The following RARB variants were observed in gnomAD, a reference collection of about 807,000 sequenced individuals.
RARB encodes HBV-activated protein.
In RARB, 17 loss-of-function variants were observed where a neutral mutation model predicts 51.9. That is an observed-to-expected ratio of 0.33 (90% confidence interval 0.22 to 0.49). The LOEUF (loss-of-function observed/expected upper bound fraction) is 0.49, where lower values mean the gene tolerates loss of function less well. RARB is among the 20% of genes least tolerant of loss of function. The probability of loss-of-function intolerance (pLI) is 0.99; values close to 1 mark genes in which losing one functional copy is unlikely to be tolerated. For missense variants in RARB, 369 were observed against 550.8 expected (o/e 0.67, Z 3.30); for synonymous variants, 215 against 195.4 (o/e 1.10, Z -0.84).
In RARB at chr3:25,563,941, A is replaced by G. The variant is rs893004821; in HGVS notation, c.449-5817A>G. Reference sequence around the variant, plus strand: ...TATGGACAAAAATACCATCAATTGTATTTTCCTTTTTTTTTTTTTTTTTGA... The same window carrying G: ...TATGGACAAAAATACCATCAATTGTGTTTTCCTTTTTTTTTTTTTTTTTGA... On this transcript the variant is annotated intron_variant, in intron 3 of 7. Coordinates refer to ENST00000330688, the MANE Select transcript of RARB (RefSeq NM_000965.5). Among the ~76,000 whole-genome samples the G allele has an allele frequency of 1.6e-4, 19 of 120,788 alleles. No homozygotes were observed. The South Asian group carries it at 2.3e-3, about 14-fold the overall frequency. The allele number at this position is 120,788 out of a possible 152,430, so 79.2% of individuals were successfully genotyped here. A position where few individuals can be genotyped will look rare whatever the true frequency, so the allele number is the denominator to read the frequency against.
intron 2 of RARB, among the ~76,000 whole-genome samples, chr3:24,873,597 AT>A (rs1158064516): frequency 1.3e-5 from 2 of 150,242 alleles, no homozygotes; most frequent in African/African-American, 4.9e-5. Flanking sequence ...TCCTGTCCAT[AT>A]TTTTATTTAG....
chr3:25,183,422 C>T lies in RARB; in HGVS notation c.178+8847C>T, dbSNP rs1700905801. On this transcript the variant is annotated intron_variant, in intron 5 of 11. Transcript: ENST00000383772. ...GTCTTACTGGATGGCAAACTCCCATCTCCTTTCTTGACCTCAACATGTTCT... is the reference window on the plus strand; with the variant it reads ...GTCTTACTGGATGGCAAACTCCCATTTCCTTTCTTGACCTCAACATGTTCT... 3.3e-5 allele frequency among the ~76,000 whole-genome samples: 5 copies of T among 152,256 alleles called. No homozygotes were observed. In the South Asian group the frequency reaches 6.2e-4, roughly 19 times the overall value.
chr3:25,216,753 CATAT>C (rs560897572), intron 5 of RARB, among the ~76,000 whole-genome samples: 5 of 150,158 alleles, frequency 3.3e-5, no homozygotes, highest in South Asian at 2.1e-4. Flanking sequence ...ATATCTAGTA[CATAT>C]ATATATATTT....
intron 2 of RARB, among the ~76,000 whole-genome samples, chr3:25,480,510 A>G (rs1696173557): frequency 6.6e-6 from 1 of 151,982 alleles, no homozygotes; most frequent in Non-Finnish European, 1.5e-5. Context: ...AAGGTAACTA[A>G]CTCCCATCTT....
chr3:25,023,417 C>A (rs1184903001), intron 2 of RARB, among the ~76,000 whole-genome samples: 1 of 152,100 alleles, frequency 6.6e-6, no homozygotes, highest in African/African-American at 2.4e-5. Context: ...CGAATGTTGG[C>A]TTTGTCCTTT....
In RARB at chr3:25,091,769, T is replaced by A. The variant is rs370839121; in HGVS notation, c.-328+31593T>A. Among the ~76,000 whole-genome samples, 123 of 152,302 alleles carry A rather than the reference T, an allele frequency of 8.1e-4. 1 individual carries two copies. The South Asian group carries it at 0.025, about 31-fold the overall frequency. ...AAAAAAGACAAAAAATATCTATTGT[T>A]GCTGCCATCCGTCTTCATGTAAAAA... is the stretch of plus-strand genomic sequence containing the variant. On this transcript the variant is annotated intron_variant, in intron 3 of 11. Transcript: ENST00000383772.
chr3:25,585,877 C>T (rs1701365364), intron 5 of RARB, among the ~76,000 whole-genome samples: 1 of 152,210 alleles, frequency 6.6e-6, no homozygotes, highest in South Asian at 2.1e-4. Context: ...AGATGTTGAA[C>T]CCAGGCAAGC....
chr3:25,590,421 T>TG (rs1346155510), intron 5 of RARB, among the ~76,000 whole-genome samples: 1 of 152,234 alleles, frequency 6.6e-6, no homozygotes, highest in Non-Finnish European at 1.5e-5. Flanking sequence ...CTTGGCGGCA[T>TG]GTTAAAGCTG....
rs145902881 is a variant in RARB at position 25,501,944 on chromosome 3, C to T, written c.448+621C>T. Among the ~76,000 whole-genome samples the T allele has an allele frequency of 4.3e-3, 655 of 152,238 alleles. 6 individuals are homozygous for T. Among genetic ancestry groups the T allele is most frequent in the South Asian group, 0.02 (97 of 4,820 alleles). On this transcript the variant is annotated intron_variant, in intron 3 of 7. Coordinates refer to ENST00000330688, the MANE Select transcript of RARB (RefSeq NM_000965.5). Reference sequence around the variant, plus strand: ...CTGATGATGGGGATTTGAAATATACCGGCTTTAGTATAAAAAGAGTATGTG... The same window carrying T: ...CTGATGATGGGGATTTGAAATATACTGGCTTTAGTATAAAAAGAGTATGTG...
intron 2 of RARB, among the ~76,000 whole-genome samples, chr3:24,902,734 GA>G (rs977918017): frequency 4.0e-5 from 6 of 151,688 alleles, no homozygotes; most frequent in African/African-American, 9.7e-5. Flanking sequence ...TTTTGAAATG[GA>G]AAAAAAATGT....
intron 5 of RARB, among the ~76,000 whole-genome samples, chr3:25,237,924 G>T (rs1350173330): frequency 6.6e-6 from 1 of 152,022 alleles, no homozygotes; most frequent in African/African-American, 2.4e-5. Context: ...TATATAGAGA[G>T]AGTACATGTG....
chr3:24,888,089 T>C (rs1703297923), intron 2 of RARB, among the ~76,000 whole-genome samples: 1 of 152,176 alleles, frequency 6.6e-6, no homozygotes, highest in South Asian at 2.1e-4. Flanking sequence ...GTCCTCATTT[T>C]TGAGGGATAA....
intron 5 of RARB, among the ~76,000 whole-genome samples, chr3:25,401,689 T>C (rs941136046): frequency 6.6e-6 from 1 of 152,188 alleles, no homozygotes; most frequent in Non-Finnish European, 1.5e-5. Context: ...AACTGTAAGA[T>C]AGGTCAGGAG....
intron 2 of RARB, among the ~76,000 whole-genome samples, chr3:25,023,376 T>G (rs1291998942): frequency 6.6e-6 from 1 of 152,212 alleles, no homozygotes; most frequent in African/African-American, 2.4e-5. Flanking sequence ...AATGATGGCT[T>G]CTTTGTCTTT....
chr3:25,396,064 G>T (rs1331875733), intron 5 of RARB, among the ~76,000 whole-genome samples: 1 of 152,198 alleles, frequency 6.6e-6, no homozygotes, highest in Non-Finnish European at 1.5e-5. Flanking sequence ...CCTTGATGGG[G>T]TGTTCTCCCC....
intron 2 of RARB, among the ~76,000 whole-genome samples, chr3:24,972,082 C>T (rs927198574): frequency 1.3e-5 from 2 of 151,910 alleles, no homozygotes; most frequent in Non-Finnish European, 2.9e-5. Context: ...CTATTGAACA[C>T]CAGGTGTCCT....
chr3:24,853,318 AAAT>A (rs1356067024), intron 1 of RARB, among the ~76,000 whole-genome samples: 1 of 152,052 alleles, frequency 6.6e-6, no homozygotes, highest in African/African-American at 2.4e-5. Flanking sequence ...CTCTATCTTA[AAAT>A]AATAATAATA....
chr3:24,866,396 C>G (rs1157649558), intron 2 of RARB, among the ~76,000 whole-genome samples: 1 of 152,158 alleles, frequency 6.6e-6, no homozygotes, highest in Non-Finnish European at 1.5e-5. Flanking sequence ...ACTATTTAAA[C>G]TGACATGTAT....
intron 5 of RARB, among the ~76,000 whole-genome samples, chr3:25,194,209 T>A (rs1174906616): frequency 2.0e-5 from 3 of 148,790 alleles, no homozygotes; most frequent in African/African-American, 7.4e-5. Flanking sequence ...ATTCAATACA[T>A]AGAAACAAAG....
Sources: allele counts gnomAD v4.1 joint callset (sites outside exome capture counted in the v4.1 genomes callset), GRCh38; gene constraint gnomAD v4.1.1; transcripts MANE v1.5; gene names NCBI Gene and HGNC (gene_info 2026-07-23, HGNC 2026-07-21).